SATB2: variants seen among roughly 807,000 people sequenced by gnomAD.
SATB2 encodes DNA-binding protein SATB2.
A neutral mutation model predicts 73.4 loss-of-function variants in SATB2; 1 was observed. That is an observed-to-expected ratio of 0.01 (90% CI 0.00 to 0.06). The LOEUF (loss-of-function observed/expected upper bound fraction) is 0.06, where lower values mean the gene tolerates loss of function less well. SATB2 is among the 10% of genes least tolerant of loss of function. SATB2 has a pLI of 1.00. For missense variants in SATB2, 459 were observed against 945.8 expected, an observed-to-expected ratio of 0.49 and a Z score of 6.75; for synonymous variants, 397 against 367.0, an observed-to-expected ratio of 1.08 and a Z score of -0.93.
At chr2:199,461,640 G>A (rs1692479267), upstream of SATB2, among the ~76,000 whole-genome samples, 1 of 152,108 alleles carries the variant, frequency 6.6e-6, no homozygotes, top group African/African-American at 2.4e-5. Flanking sequence ...TCTAACTGAC[G>A]TTTTTGTCGG....
intron 2 of SATB2, among the ~76,000 whole-genome samples, chr2:199,441,664 G>A (rs961097128): frequency 1.3e-5 from 2 of 152,134 alleles, no homozygotes; most frequent in Non-Finnish European, 2.9e-5. Flanking sequence ...TGACCACCCC[G>A]AAGGATCAAA....
intron 6 of SATB2, among the ~76,000 whole-genome samples, chr2:199,349,936 A>C (rs1688765224): frequency 6.6e-6 from 1 of 152,166 alleles, no homozygotes; most frequent in South Asian, 2.1e-4. Flanking sequence ...AGCATAAGGC[A>C]AGTATTTTTC....
intron 3 of SATB2, among the ~76,000 whole-genome samples, chr2:199,398,293 C>T (rs561198504): frequency 1.3e-5 from 2 of 152,234 alleles, no homozygotes; most frequent in African/African-American, 4.8e-5. Context: ...TTGGAGAAAA[C>T]AACAGAATCT....
intron 10 of SATB2, among the ~76,000 whole-genome samples, chr2:199,278,124 T>C (rs1813849): frequency 0.74 from 111,738 of 152,022 alleles, 45,377 homozygotes; most frequent in Non-Finnish European, 0.89. Context: ...TTATTTGAGA[T>C]AAGGTGACTC....
intron 2 of SATB2, among the ~76,000 whole-genome samples, chr2:199,434,457 T>A (rs1315035729): frequency 6.6e-6 from 1 of 152,168 alleles, no homozygotes; most frequent in Non-Finnish European, 1.5e-5. Flanking sequence ...TTTTTATTTT[T>A]AAAAAAGTCA....
At chr2:199,449,261 AT>A (rs1692055490) in intron 2 of SATB2, among the ~76,000 whole-genome samples, 2 of 152,304 alleles carry the variant, frequency 1.3e-5, no homozygotes, top group Admixed American at 1.3e-4. Context: ...AAAATCTGAA[AT>A]AAGTAAAACT....
intron 3 of SATB2, among the ~76,000 whole-genome samples, chr2:199,427,826 A>G (rs1311961998): frequency 6.6e-6 from 1 of 152,178 alleles, no homozygotes; most frequent in Non-Finnish European, 1.5e-5. Flanking sequence ...TTCTAACAAT[A>G]AAATTGTCCT....
chr2:199,342,313 C>A (rs1688529757), intron 7 of SATB2, among the ~76,000 whole-genome samples: 1 of 151,804 alleles, frequency 6.6e-6, no homozygotes. Context: ...TATTAATGAC[C>A]AGGTCAGAAA....
intron 3 of SATB2, among the ~76,000 whole-genome samples, chr2:199,384,783 T>C (rs1196749654): frequency 2.0e-5 from 3 of 152,200 alleles, no homozygotes; most frequent in South Asian, 2.1e-4. Context: ...ATAAAAGTAC[T>C]GATCTTACAA....
chr2:199,470,191 C>T (rs1244473149), intron 1 of SATB2: 1 of 152,354 alleles, frequency 6.6e-6, no homozygotes, highest in East Asian at 1.9e-4. Context: ...CACAGTCTCC[C>T]GTGGAATCTT....
rs573919325 is a variant in SATB2 at position 199,345,700 on chromosome 2, C to G, written c.1173+3001G>C. Among the ~76,000 whole-genome samples, 43 of 152,272 alleles carry G rather than the reference C, an allele frequency of 2.8e-4. No individual in the cohort carries two copies. The South Asian group carries it at 8.3e-3, about 29-fold the overall frequency. ...TTCTTCTCTGCACCCTCCCCAGCAGCCTAGTTCAAAACCTCTGTACATTTC... is the reference window on the plus strand; with the variant it reads ...TTCTTCTCTGCACCCTCCCCAGCAGGCTAGTTCAAAACCTCTGTACATTTC... On this transcript the variant is annotated intron_variant, in intron 7 of 10. Coordinates refer to ENST00000417098, the MANE Select transcript of SATB2 (RefSeq NM_001172509.2).
At chr2:199,394,269 C>T (rs1423906586) in intron 3 of SATB2, among the ~76,000 whole-genome samples, 1 of 152,054 alleles carries the variant, frequency 6.6e-6, no homozygotes, top group Non-Finnish European at 1.5e-5. Flanking sequence ...TTAATTTGCT[C>T]AGGAAGAGTG....
chr2:199,359,168 G>A (rs1039147812), intron 6 of SATB2, among the ~76,000 whole-genome samples: 3 of 152,116 alleles, frequency 2.0e-5, no homozygotes, highest in Admixed American at 6.6e-5. Context: ...CCTACCTGAA[G>A]AAAAGTTAAT....
At chr2:199,367,178 A>G (rs975353502) in intron 6 of SATB2, among the ~76,000 whole-genome samples, 2 of 152,202 alleles carry the variant, frequency 1.3e-5, no homozygotes, top group African/African-American at 4.8e-5. Context: ...ACACTTACAG[A>G]AAAGAAACCT....
At chr2:199,437,892 T>C (rs1375963829) in intron 2 of SATB2, among the ~76,000 whole-genome samples, 1 of 152,178 alleles carries the variant, frequency 6.6e-6, no homozygotes, top group East Asian at 1.9e-4. Context: ...CTAATAATTA[T>C]TGAATGGCCT....
chr2:199,288,163 C>T (rs1692741619), intron 10 of SATB2, among the ~76,000 whole-genome samples: 1 of 152,178 alleles, frequency 6.6e-6, no homozygotes, highest in Admixed American at 6.5e-5. Flanking sequence ...AAGTTTCTCT[C>T]CCAAATGTCC....
At chr2:199,393,218 G>A (rs1574583248) in intron 3 of SATB2, among the ~76,000 whole-genome samples, 1 of 152,260 alleles carries the variant, frequency 6.6e-6, no homozygotes, top group East Asian at 1.9e-4. Flanking sequence ...AGATAACACG[G>A]TGCCTGGCAG....
intron 9 of SATB2, among the ~76,000 whole-genome samples, chr2:199,311,761 A>G (rs1315989122): frequency 1.3e-5 from 2 of 152,116 alleles, no homozygotes; most frequent in African/African-American, 2.4e-5. Flanking sequence ...CAGGAAATCT[A>G]TTCTTCCACC....
intron 5 of SATB2, 27 bp downstream of exon 5, chr2:199,380,337 C>T (rs1401164371): frequency 1.2e-6 from 2 of 1,613,814 alleles, no homozygotes; most frequent in Non-Finnish European, 1.7e-6. Flanking sequence ...TCTTCTGTTT[C>T]CCAGACCCCC....
Sources: gnomAD v4.1 joint callset for allele counts (sites outside exome capture counted in the v4.1 genomes callset) on GRCh38, gnomAD v4.1.1 for gene constraint, MANE v1.5 for transcripts, NCBI Gene and HGNC (gene_info 2026-07-23, HGNC 2026-07-21) for gene names.